Variants in KCTD1 observed in about 807,000 individuals in gnomAD.
KCTD1 encodes potassium channel tetramerization domain containing 1.
KCTD1 carries 24 observed loss-of-function variants against 66.0 expected under a neutral mutation model. That is an observed-to-expected ratio of 0.36 (90% CI 0.26 to 0.51). The LOEUF is 0.51. Among genes scored for constraint, KCTD1 ranks in the 20% least tolerant of loss-of-function variants. The pLI, the probability that KCTD1 is intolerant of heterozygous loss-of-function variation, is 0.95. For missense variants in KCTD1, 943 were observed against 1,205.2 expected (o/e 0.78, Z 3.22); for synonymous variants, 511 against 517.2 (o/e 0.99, Z 0.16).
At chr18:26,469,831 GA>G (rs1263411930) in intron 3 of KCTD1, among the ~76,000 whole-genome samples, 1 of 151,962 alleles carries the variant, frequency 6.6e-6, no homozygotes, top group East Asian at 1.9e-4. Flanking sequence ...ATGTCCTCTG[GA>G]AAAACATAAA....
intron 1 of KCTD1, among the ~76,000 whole-genome samples, chr18:26,621,020 A>G (rs1326595816): frequency 2.6e-5 from 4 of 151,864 alleles, no homozygotes; most frequent in Non-Finnish European, 5.9e-5. Flanking sequence ...TTTTTAATAG[A>G]GACGGGGTTT....
At chr18:26,580,888 A>C (rs1008818336) in intron 1 of KCTD1, among the ~76,000 whole-genome samples, 2 of 152,336 alleles carry the variant, frequency 1.3e-5, no homozygotes, top group African/African-American at 4.8e-5. Context: ...GAACACAGCC[A>C]TGCTCATTTT....
chr18:26,530,320 G>C (rs1457530309), intron 1 of KCTD1, among the ~76,000 whole-genome samples: 1 of 152,170 alleles, frequency 6.6e-6, no homozygotes, highest in South Asian at 2.1e-4. Flanking sequence ...TTTCCAAGGA[G>C]TTAGAGGTTG....
At chr18:26,534,158 T>C (rs541371410) in intron 1 of KCTD1, among the ~76,000 whole-genome samples, 1 of 152,266 alleles carries the variant, frequency 6.6e-6, no homozygotes, top group African/African-American at 2.4e-5. Context: ...TTTTTTTATT[T>C]ACAGTCTACT....
intron 1 of KCTD1, among the ~76,000 whole-genome samples, chr18:26,639,724 C>G (rs935926617): frequency 6.6e-6 from 1 of 152,090 alleles, no homozygotes; most frequent in Non-Finnish European, 1.5e-5. Context: ...CTCACAACAC[C>G]GCTGTGCTGT....
rs79689216 is a variant in KCTD1 at position 26,585,312 on chromosome 18, C to G, written c.-16+43835G>C. Among the ~76,000 whole-genome samples the G allele has an allele frequency of 5.3e-4, 80 of 152,308 alleles. No homozygotes were observed. In the East Asian group the frequency reaches 0.012, roughly 23 times the overall value. ...ATTATCTAACCATATTGGTAATATA[C>G]TTAAGGCCTAAAGTTACCATCCAAA... is the stretch of plus-strand genomic sequence containing the variant. On this transcript the variant is annotated intron_variant, in intron 1 of 4. Coordinates refer to the KCTD1 transcript ENST00000317932.
upstream of KCTD1, among the ~76,000 whole-genome samples, chr18:26,553,060 G>A (rs954211450): frequency 1.5e-4 from 22 of 145,150 alleles, no homozygotes; most frequent in African/African-American, 5.4e-4. Flanking sequence ...GCATGATTAT[G>A]GCTCACTGCA....
intron 3 of KCTD1, among the ~76,000 whole-genome samples, chr18:26,460,581 T>A (rs371880922): frequency 6.6e-6 from 1 of 152,136 alleles, no homozygotes. Flanking sequence ...GGAAGGCTAG[T>A]GTACTGCCCT....
At chr18:26,485,254 T>C (rs1362449518) in intron 2 of KCTD1, among the ~76,000 whole-genome samples, 1 of 152,182 alleles carries the variant, frequency 6.6e-6, no homozygotes, top group Admixed American at 6.5e-5. Context: ...GGTACCATTA[T>C]CCCCATTTTA....
At chr18:26,480,058 T>C (rs1317605527) in intron 2 of KCTD1, among the ~76,000 whole-genome samples, 2 of 136,554 alleles carry the variant, frequency 1.5e-5, no homozygotes, top group African/African-American at 5.1e-5. Context: ...TTTTTTTTTT[T>C]TTTCACTCAT....
chr18:26,593,504 A>G (rs1395001262), intron 1 of KCTD1, among the ~76,000 whole-genome samples: 1 of 83,772 alleles, frequency 1.2e-5, no homozygotes, highest in South Asian at 3.8e-4. Flanking sequence ...AGGAGGAGGA[A>G]GATGAGGAGG....
At chr18:26,481,065 ATTTC>A (rs1049455191) in intron 2 of KCTD1, among the ~76,000 whole-genome samples, 6 of 152,158 alleles carry the variant, frequency 3.9e-5, no homozygotes, top group Admixed American at 3.9e-4. Context: ...GTTCTTAAGA[ATTTC>A]TTTGTTTCTT....
intron 2 of KCTD1, among the ~76,000 whole-genome samples, chr18:26,485,951 T>C (rs1421556089): frequency 6.6e-6 from 1 of 151,610 alleles, no homozygotes; most frequent in Non-Finnish European, 1.5e-5. Flanking sequence ...TTTTTTTTTT[T>C]TGCCCAGGCT....
In KCTD1 at chr18:26,486,514, G is replaced by A. The variant is rs532580800; in HGVS notation, c.1989-9855C>T. On this transcript the variant is annotated intron_variant, in intron 2 of 4. Coordinates refer to ENST00000580059, the MANE Select transcript of KCTD1 (RefSeq NM_001142730.3). ...CCAATGAACCTAATCTGTGTTGGAA[G>A]GACTGTTCCTATTCCTGGGTTTCTC... Among the ~76,000 whole-genome samples the A allele has an allele frequency of 4.6e-5, 7 of 152,322 alleles. No homozygotes were observed. In the South Asian group the frequency reaches 1.2e-3, roughly 27 times the overall value.
At chr18:26,470,754 G>A (rs1981013735) in intron 3 of KCTD1, among the ~76,000 whole-genome samples, 1 of 152,244 alleles carries the variant, frequency 6.6e-6, no homozygotes, top group African/African-American at 2.4e-5. Context: ...CGGAGAGTCA[G>A]GGGTACAGGT....
At chr18:26,499,381 T>C (rs868306433) in intron 2 of KCTD1, among the ~76,000 whole-genome samples, 19 of 152,190 alleles carry the variant, frequency 1.2e-4, no homozygotes, top group Admixed American at 3.3e-4. Flanking sequence ...TATAATATGA[T>C]TTTTCGTAGT....
chr18:26,634,000 T>A (rs1291199783), upstream of KCTD1, among the ~76,000 whole-genome samples: 4 of 152,130 alleles, frequency 2.6e-5, no homozygotes, highest in Non-Finnish European at 5.9e-5. Flanking sequence ...AGGAAAGAAC[T>A]ACGCTACACT....
At chr18:26,603,235 G>A (rs536338729) in intron 1 of KCTD1, among the ~76,000 whole-genome samples, 161 of 152,094 alleles carry the variant, frequency 1.1e-3, no homozygotes, top group Non-Finnish European at 1.7e-3. Flanking sequence ...TTTGAGATCA[G>A]CCTGGGCAAC....
chr18:26,629,255 C>T (rs1165558351), upstream of KCTD1: 16 of 979,274 alleles, frequency 1.6e-5, no homozygotes, highest in Admixed American at 6.2e-5. Flanking sequence ...AGGAGAAAAG[C>T]GTAAAATTGG....
Sources: allele counts gnomAD v4.1 joint callset (sites outside exome capture counted in the v4.1 genomes callset), GRCh38; gene constraint gnomAD v4.1.1; transcripts MANE v1.5; gene names NCBI Gene and HGNC (gene_info 2026-07-23, HGNC 2026-07-21).